CCDC91: variants seen among roughly 807,000 people sequenced by gnomAD.
The protein encoded by CCDC91 is coiled-coil domain containing 91.
In CCDC91, 48 loss-of-function variants were observed where a neutral mutation model predicts 63.2. That is an observed-to-expected ratio of 0.76 (90% CI 0.60 to 0.97). CCDC91 has a LOEUF of 0.97. Ranked by LOEUF, CCDC91 falls within the 50% of genes least tolerant of loss-of-function variation. The pLI, the probability that CCDC91 is intolerant of heterozygous loss-of-function variation, is 0.00. For synonymous variants in CCDC91, 167 were observed against 165.8 expected, an observed-to-expected ratio of 1.01 and a Z score of -0.06; for missense variants, 500 against 494.6, an observed-to-expected ratio of 1.01 and a Z score of -0.10.
intron 7 of CCDC91, among the ~76,000 whole-genome samples, chr12:28,370,315 C>G (rs540218161): frequency 6.6e-6 from 1 of 152,310 alleles, no homozygotes; most frequent in South Asian, 2.1e-4. Flanking sequence ...AATCATGTCT[C>G]TCAAGTTCAG....
chr12:28,358,439 G>T (rs1157313779), intron 6 of CCDC91, among the ~76,000 whole-genome samples: 1 of 152,206 alleles, frequency 6.6e-6, no homozygotes, highest in African/African-American at 2.4e-5. Context: ...GGCCATTCTA[G>T]TTCTTCTTTA....
chr12:28,199,793 G>A (rs10843130), intron 1 of CCDC91, among the ~76,000 whole-genome samples: 39,703 of 152,070 alleles, frequency 0.26, 5,452 homozygotes, highest in Non-Finnish European at 0.31. Flanking sequence ...GTGGTTTTTA[G>A]TGAGAAATCA....
chr12:28,509,372 G>C (rs917304753), intron 12 of CCDC91, among the ~76,000 whole-genome samples: 1 of 151,854 alleles, frequency 6.6e-6, no homozygotes, highest in African/African-American at 2.4e-5. Context: ...GGATCCAAAT[G>C]AGGAGGTGCA....
At chr12:28,540,154 G>A (rs1450953716) in intron 12 of CCDC91, among the ~76,000 whole-genome samples, 1 of 152,070 alleles carries the variant, frequency 6.6e-6, no homozygotes, top group Non-Finnish European at 1.5e-5. Flanking sequence ...GTCTTTATGC[G>A]TGTTTCTCCT....
Position 28,207,567 on chromosome 12 carries a change from A to G in CCDC91, c.-15+16926A>G, listed in dbSNP as rs1942944447. 1.3e-5 allele frequency among the ~76,000 whole-genome samples: 2 copies of G among 152,226 alleles called. 1 individual carries two copies. Among genetic ancestry groups the G allele is most frequent in the South Asian group, 4.1e-4 (2 of 4,834 alleles). ...GAAAGTTTGTATACAACCAGAAAAC[A>G]TGCATTGAAAATGACAAATGAAATC... On this transcript the variant is annotated intron_variant, in intron 1 of 12. Transcript: ENST00000536442.
At chr12:28,409,508 C>T (rs527693694) in intron 8 of CCDC91, among the ~76,000 whole-genome samples, 1 of 151,860 alleles carries the variant, frequency 6.6e-6, no homozygotes, top group African/African-American at 2.4e-5. Flanking sequence ...TCTCAAATAC[C>T]AGCGTTTGGT....
chr12:28,212,590 A>G (rs138396396), intron 1 of CCDC91, among the ~76,000 whole-genome samples: 110 of 152,308 alleles, frequency 7.2e-4, no homozygotes, highest in Non-Finnish European at 1.3e-3. Context: ...GGACTCAGAT[A>G]TAGAAGTATG....
intron 7 of CCDC91, among the ~76,000 whole-genome samples, chr12:28,388,809 G>A (rs1168992712): frequency 1.3e-5 from 2 of 152,216 alleles, no homozygotes; most frequent in South Asian, 4.1e-4. Flanking sequence ...GCCACATCTA[G>A]GAGATTGAAA....
chr12:28,323,488 G>A (rs1392693143), intron 6 of CCDC91, among the ~76,000 whole-genome samples: 1 of 151,698 alleles, frequency 6.6e-6, no homozygotes, highest in Non-Finnish European at 1.5e-5. Flanking sequence ...CTGTTGATAT[G>A]TGTCTGTGTA....
At chr12:28,503,966 C>A (rs139584590) in intron 12 of CCDC91, among the ~76,000 whole-genome samples, 31,625 of 151,374 alleles carry the variant, frequency 0.21, 4,318 homozygotes, top group Non-Finnish European at 0.31. Context: ...GGATAGCATT[C>A]GGAGATATAC....
intron 3 of CCDC91, among the ~76,000 whole-genome samples, chr12:28,266,349 C>G (rs1947186090): frequency 6.6e-6 from 1 of 151,946 alleles, no homozygotes; most frequent in Non-Finnish European, 1.5e-5. Flanking sequence ...ATTAGCAAAT[C>G]TATAAATTGA....
chr12:28,382,111 A>G (rs967670687), intron 7 of CCDC91, among the ~76,000 whole-genome samples: 1 of 152,042 alleles, frequency 6.6e-6, no homozygotes, highest in Admixed American at 6.6e-5. Flanking sequence ...TAGTCTCACA[A>G]TCTAGTCTGC....
chr12:28,305,652 C>G lies in CCDC91; in HGVS notation c.113C>G (p.Ser38Cys). 2 of 1,610,030 alleles carry G rather than the reference C, an allele frequency of 1.2e-6. No individual in the cohort carries two copies. The highest frequency in any genetic ancestry group is 1.7e-6 in the Non-Finnish European group (2 of 1,177,958). The change falls in exon 4 of 13, where the codon TCT becomes TGT. Residue 38 changes from serine to cysteine, a missense_variant. Transcript: ENST00000536442. ...AIPWAAFPAV[S>C]GVHLSPSSPE... is the part of the protein sequence containing the mutation. ...TGTTGTTGTTGTTTTTCTTTAGTATCTGGAGTCCATCTTTCACCATCTTCT... is the reference window on the plus strand; with the variant it reads ...TGTTGTTGTTGTTTTTCTTTAGTATGTGGAGTCCATCTTTCACCATCTTCT...
At chr12:28,496,279 A>G (rs990540547) in intron 12 of CCDC91, among the ~76,000 whole-genome samples, 2 of 151,670 alleles carry the variant, frequency 1.3e-5, no homozygotes, top group African/African-American at 4.8e-5. Context: ...GCATAGTTCA[A>G]TCATTTCCAT....
chr12:28,416,603 G>T (rs1214424270), intron 8 of CCDC91, among the ~76,000 whole-genome samples: 2 of 152,040 alleles, frequency 1.3e-5, no homozygotes, highest in South Asian at 2.1e-4. Flanking sequence ...AGGAGGGCAG[G>T]CTAGGATGAT....
intron 12 of CCDC91, among the ~76,000 whole-genome samples, chr12:28,499,013 T>G (rs1345258907): frequency 6.6e-6 from 1 of 151,762 alleles, no homozygotes; most frequent in South Asian, 2.1e-4. Flanking sequence ...CATTAAACAT[T>G]TATCTAATCT....
chr12:28,365,555 A>G (rs1944219087), intron 7 of CCDC91, among the ~76,000 whole-genome samples: 1 of 152,234 alleles, frequency 6.6e-6, no homozygotes, highest in Non-Finnish European at 1.5e-5. Context: ...ATCTCTAGTT[A>G]CTATTGTTAA....
chr12:28,529,116 C>T (rs1941527266), intron 12 of CCDC91, among the ~76,000 whole-genome samples: 1 of 152,134 alleles, frequency 6.6e-6, no homozygotes. Flanking sequence ...ATGCTTCCTA[C>T]TTTGTACTTC....
At chr12:28,201,310 A>G (rs1942327203) in intron 1 of CCDC91, among the ~76,000 whole-genome samples, 1 of 136,774 alleles carries the variant, frequency 7.3e-6, no homozygotes, top group Non-Finnish European at 1.6e-5. Context: ...CACTTCTCAG[A>G]CGGGGCGGCC....
Sources: allele counts gnomAD v4.1 joint callset (sites outside exome capture counted in the v4.1 genomes callset), GRCh38; gene constraint gnomAD v4.1.1; transcripts MANE v1.5; gene names NCBI Gene and HGNC (gene_info 2026-07-23, HGNC 2026-07-21).